Variants in CCDC15 observed in about 807,000 individuals in gnomAD.
CCDC15 encodes coiled-coil domain containing 15, also known as coiled-coil domain-containing protein 15.
CCDC15 carries 105 observed loss-of-function variants against 114.5 expected under a neutral mutation model. The ratio of observed to expected loss-of-function variants is 0.92; its 90% CI spans 0.78 to 1.08. The LOEUF is 1.08. CCDC15 is among the 50% of genes least tolerant of loss of function. The pLI is 0.00. For missense variants in CCDC15, 1,105 were observed against 1,093.6 expected (o/e 1.01, Z -0.15); for synonymous variants, 334 against 377.8 (o/e 0.88, Z 1.34).
At chr11:124,966,284 T>G (rs1591572626) in intron 4 of CCDC15, among the ~76,000 whole-genome samples, 1 of 152,292 alleles carries the variant, frequency 6.6e-6, no homozygotes, top group East Asian at 1.9e-4. Flanking sequence ...CTAAGTCTCT[T>G]TGTAGGTCTC....
chr11:124,987,712 A>G lies in CCDC15; in HGVS notation c.1486A>G (p.Lys496Glu), dbSNP rs1309262471. ...VLPKDQDILP[K>E]YQDQNFLPKD... Reference sequence around the variant, plus strand: ...CCCCAAAGACCAAGATATTCTGCCAAAATATCAGGACCAGAATTTTCTACC... The same window carrying G: ...CCCCAAAGACCAAGATATTCTGCCAGAATATCAGGACCAGAATTTTCTACC... Residue 496 changes from lysine to glutamate, a missense_variant, in exon 8 of 16, where the codon AAA becomes GAA. Lys to Glu is a moderately conservative substitution (Grantham distance 56). Coordinates refer to ENST00000344762, the MANE Select transcript of CCDC15 (RefSeq NM_025004.3). 3 of 1,613,866 alleles carry G rather than the reference A, an allele frequency of 1.9e-6. No individual in the cohort carries two copies. The African/African-American group carries it at 4.0e-5, about 22-fold the overall frequency.
At chr11:124,978,163 T>G (rs1177351064) in intron 6 of CCDC15, among the ~76,000 whole-genome samples, 1 of 152,182 alleles carries the variant, frequency 6.6e-6, no homozygotes, top group African/African-American at 2.4e-5. Context: ...GCCTCTAGTT[T>G]CATACATGTT....
chr11:124,961,345 G>A (rs933783044), intron 4 of CCDC15, among the ~76,000 whole-genome samples: 1 of 152,134 alleles, frequency 6.6e-6, no homozygotes, highest in African/African-American at 2.4e-5. Context: ...ATATTTTCAG[G>A]TAGAAATACA....
At chr11:125,012,471 G>A (rs552377334) in intron 13 of CCDC15, among the ~76,000 whole-genome samples, 3 of 152,264 alleles carry the variant, frequency 2.0e-5, no homozygotes, top group South Asian at 2.1e-4. Context: ...ATCTAAGTTG[G>A]GGAGGGAGGA....
intron 2 of CCDC15, among the ~76,000 whole-genome samples, chr11:124,958,173 C>G (rs1474294400): frequency 3.3e-5 from 5 of 152,166 alleles, no homozygotes; most frequent in African/African-American, 1.2e-4. Flanking sequence ...ATGATGATGA[C>G]TATGATTATT....
chr11:125,007,428 C>T (rs1360990229), intron 13 of CCDC15, among the ~76,000 whole-genome samples: 1 of 152,066 alleles, frequency 6.6e-6, no homozygotes, highest in Admixed American at 6.6e-5. Context: ...TTTTTATGGC[C>T]GAATAGTATT....
At chr11:124,977,272 A>G (rs1325111083) in intron 5 of CCDC15, among the ~76,000 whole-genome samples, 1 of 152,056 alleles carries the variant, frequency 6.6e-6, no homozygotes. Context: ...AAGTTAATAT[A>G]TTCTCCTGTT....
At chr11:125,000,144 T>G (rs1211820007) in intron 11 of CCDC15, among the ~76,000 whole-genome samples, 1 of 152,156 alleles carries the variant, frequency 6.6e-6, no homozygotes, top group African/African-American at 2.4e-5. Flanking sequence ...ATTACAGGCA[T>G]GAGCCACCAT....
At chr11:125,040,505 AGAGAAGC>A in intron 15 of CCDC15, 78 bp from the exon 16 acceptor site, 1 of 1,226,102 alleles carries the variant, frequency 8.2e-7, no homozygotes, top group Non-Finnish European at 1.1e-6. Flanking sequence ...GACTCTTGGT[AGAGAAGC>A]AGTACTAATA....
intron 13 of CCDC15, among the ~76,000 whole-genome samples, chr11:125,030,797 A>C (rs547519653): frequency 2.0e-4 from 31 of 152,206 alleles, no homozygotes; most frequent in African/African-American, 7.5e-4. Context: ...TACTTTGTTC[A>C]TGGGCCCATT....
At chr11:125,000,890 C>T (rs1414115965) in intron 11 of CCDC15, among the ~76,000 whole-genome samples, 1 of 152,106 alleles carries the variant, frequency 6.6e-6, no homozygotes, top group Non-Finnish European at 1.5e-5. Context: ...TCTGGTCATA[C>T]CATTTTTGTC....
chr11:125,003,786 G>T (rs775138170), intron 11 of CCDC15, 81 bp from the exon 12 acceptor site: 3 of 743,634 alleles, frequency 4.0e-6, no homozygotes, highest in Admixed American at 3.3e-5. Context: ...CAAAAGAAAA[G>T]AACAGATAAA....
intron 11 of CCDC15, among the ~76,000 whole-genome samples, chr11:125,000,803 G>C (rs945383808): frequency 6.6e-6 from 1 of 152,120 alleles, no homozygotes; most frequent in African/African-American, 2.4e-5. Context: ...GTTATATAAA[G>C]TTGTTACAAA....
rs764336665 is a variant in CCDC15, at chr11:124,987,239, A to G, written c.1013A>G (p.Glu338Gly). ...ILPEAQDYFL[E>G]AQGDLLETQG... ...CCAGAAGCCCAGGATTATTTTCTAG[A>G]AGCCCAAGGTGATTTGCTGGAAACC... The change falls in exon 8 of 16, where the codon GAA becomes GGA. Residue 338 changes from glutamate to glycine, a missense_variant. Physicochemically the swap from Glu to Gly is moderately conservative, Grantham distance 98. Coordinates refer to ENST00000344762, the MANE Select transcript of CCDC15 (RefSeq NM_025004.3). The G allele has an allele frequency of 6.4e-7, 1 of 1,558,414 alleles. No individual in the cohort carries two copies. The highest frequency in any genetic ancestry group is 1.4e-5 in the African/African-American group (1 of 72,554).
rs1948268089 is a variant in CCDC15 at position 124,991,503 on chromosome 11, A to G, written c.1951A>G (p.Lys651Glu). ...KEPYSDMTDE[K>E]GREDFSLADY... ...GCCATACTCTGATATGACAGATGAGAAAGGGAGAGAAGACTTTTCTCTGGC... is the reference window on the plus strand; with the variant it reads ...GCCATACTCTGATATGACAGATGAGGAAGGGAGAGAAGACTTTTCTCTGGC... The change falls in exon 9 of 16, where the codon AAA becomes GAA. Residue 651 changes from lysine (K) to glutamate (E), a missense_variant. Physicochemically the swap from Lys to Glu is moderately conservative, Grantham distance 56. Coordinates refer to ENST00000344762, the MANE Select transcript of CCDC15 (RefSeq NM_025004.3). The G allele has an allele frequency of 6.2e-7, 1 of 1,604,236 alleles. No individual in the cohort carries two copies. The highest frequency in any genetic ancestry group is 1.7e-5 in the Admixed American group (1 of 59,948).
chr11:124,971,928 C>T (rs1409858566), intron 4 of CCDC15, among the ~76,000 whole-genome samples: 1 of 152,092 alleles, frequency 6.6e-6, no homozygotes, highest in Non-Finnish European at 1.5e-5. Flanking sequence ...CTCTCCCCTG[C>T]CACCACTACA....
At chr11:125,037,347 C>T (rs1948782569) in intron 13 of CCDC15, 1 of 152,174 alleles carries the variant, frequency 6.6e-6, no homozygotes, top group East Asian at 1.9e-4. Context: ...ACAAATTATT[C>T]CTGGAGCTAG....
chr11:125,023,662 G>A (rs1948676598), intron 13 of CCDC15, among the ~76,000 whole-genome samples: 1 of 151,966 alleles, frequency 6.6e-6, no homozygotes, highest in South Asian at 2.1e-4. Context: ...GTGAGTATGT[G>A]GAGAAATTAG....
intron 11 of CCDC15, among the ~76,000 whole-genome samples, chr11:124,995,151 A>C (rs1167016717): frequency 6.6e-6 from 1 of 152,034 alleles, no homozygotes; most frequent in Non-Finnish European, 1.5e-5. Flanking sequence ...GGTCTTTTGC[A>C]TATGTTGTTT....
Sources: gnomAD v4.1 joint callset for allele counts (sites outside exome capture counted in the v4.1 genomes callset) on GRCh38, gnomAD v4.1.1 for gene constraint, MANE v1.5 for transcripts, NCBI Gene and HGNC (gene_info 2026-07-23, HGNC 2026-07-21) for gene names.